The following TSTD2 variants were observed in gnomAD, a reference collection of about 807,000 sequenced individuals.
TSTD2 encodes the protein thiosulfate sulfurtransferase/rhodanese-like domain-containing protein 2.
Under a neutral mutation model 47.9 loss-of-function variants are expected in TSTD2, and 37 were observed. The observed-to-expected ratio is 0.77, with a 90% CI of 0.59 to 1.02. The LOEUF (loss-of-function observed/expected upper bound fraction) is 1.02. Among genes scored for constraint, TSTD2 ranks in the 50% least tolerant of loss-of-function variants. TSTD2 has a pLI of 0.00. For missense variants in TSTD2, 586 were observed against 616.0 expected, an observed-to-expected ratio of 0.95 and a Z score of 0.52; for synonymous variants, 201 against 215.9, an observed-to-expected ratio of 0.93 and a Z score of 0.61.
Position 97,601,704 on chromosome 9 carries a change from G to A in TSTD2, c.*765C>T. ...TGCCATAGATCATGTGTAAAGGAAT[G>A]GGTGTGGCTGTTCAATAAACTATAC... On this transcript the variant is annotated 3_prime_UTR_variant, in exon 10 of 10. Transcript: ENST00000341170. The A allele has an allele frequency of 2.4e-6, 1 of 422,830 alleles. No homozygotes were observed. The highest frequency in any genetic ancestry group is 3.2e-6 in the Non-Finnish European group (1 of 315,310). 26.2% of individuals were successfully genotyped at this position (422,830 alleles called of 1,614,324 possible). A position where few individuals can be genotyped will look rare whatever the true frequency, so the allele number is the denominator to read the frequency against.
intron 6 of TSTD2, among the ~76,000 whole-genome samples, chr9:97,608,048 T>C (rs1160890315): frequency 6.6e-6 from 1 of 151,878 alleles, no homozygotes; most frequent in Non-Finnish European, 1.5e-5. Context: ...CTGGGCGTGG[T>C]GGCGCATGCC....
chr9:97,624,730 G>A (rs1294895418), intron 3 of TSTD2, among the ~76,000 whole-genome samples: 2 of 151,098 alleles, frequency 1.3e-5, no homozygotes, highest in Non-Finnish European at 2.9e-5. Flanking sequence ...AATGCAGTTT[G>A]AAAGACTCCA....
intron 2 of TSTD2, among the ~76,000 whole-genome samples, chr9:97,626,967 T>A (rs1466305197): frequency 6.6e-6 from 1 of 152,236 alleles, no homozygotes. Flanking sequence ...TGCTGAATAC[T>A]TTTTCCTGCT....
chr9:97,605,533 A>G lies in TSTD2; in HGVS notation c.1063T>C (p.Cys355Arg). Residue 355 changes from cysteine (C) to arginine (R), a missense_variant, in exon 8 of 10, where the codon TGT becomes CGT. Coordinates refer to ENST00000341170, the MANE Select transcript of TSTD2 (RefSeq NM_139246.5). ...LFREKRVLMY[C>R]TGGIRCERGS... is the part of the protein sequence containing the mutation. ...CGCTCACAGCGGATGCCCCCGGTAC[A>G]GTACATCAGCACTCTCTTCTCTCTG... is the stretch of plus-strand genomic sequence containing the variant. The G allele has an allele frequency of 6.2e-7, 1 of 1,614,220 alleles. No homozygotes were observed. The highest frequency in any genetic ancestry group is 8.5e-7 in the Non-Finnish European group (1 of 1,180,030).
intron 5 of TSTD2, 59 bp downstream of exon 5, chr9:97,611,515 A>G (rs1056790370): frequency 6.6e-7 from 1 of 1,519,986 alleles, no homozygotes; most frequent in African/African-American, 1.4e-5. Context: ...CTCTTCAATA[A>G]CATGCACAGA....
rs755902483 is a variant in TSTD2 at position 97,602,391 on chromosome 9, A to G, written c.*78T>C. 9.9e-4 allele frequency: 1,442 copies of G among 1,454,474 alleles called. 2 individuals are homozygous for G. Among genetic ancestry groups the G allele is most frequent in the Non-Finnish European group, 1.2e-3 (1,310 of 1,094,480 alleles). The allele number at this position is 1,454,474 out of a possible 1,614,324, so 90.1% of individuals were successfully genotyped here. A position where few individuals can be genotyped will look rare whatever the true frequency, so the allele number is the denominator to read the frequency against. On this transcript the variant is annotated 3_prime_UTR_variant, in exon 10 of 10. Transcript: ENST00000341170. Reference sequence around the variant, plus strand: ...AAGTTCCCGATTTCTCTGTTTCTGCAGTCTTGCCATGCTTTCTCTGTATAG... The same window carrying G: ...AAGTTCCCGATTTCTCTGTTTCTGCGGTCTTGCCATGCTTTCTCTGTATAG...
At chr9:97,620,990 G>T (rs1826625569) in intron 3 of TSTD2, among the ~76,000 whole-genome samples, 1 of 152,140 alleles carries the variant, frequency 6.6e-6, no homozygotes, top group Non-Finnish European at 1.5e-5. Context: ...AGACAAAGGG[G>T]AAAATGTCTC....
chr9:97,621,739 T>A (rs1447883558), intron 3 of TSTD2, among the ~76,000 whole-genome samples: 2 of 152,222 alleles, frequency 1.3e-5, no homozygotes, highest in Non-Finnish European at 2.9e-5. Context: ...TTGAACCCTG[T>A]TTCCTGTTAA....
Position 97,627,555 on chromosome 9 carries a change from G to A in TSTD2, c.8C>T (p.Ser3Phe). 6.2e-7 allele frequency: 1 copy of A among 1,606,004 alleles called. No individual in the cohort carries two copies. The change falls in exon 2 of 10, where the codon TCT becomes TTT. Residue 3 changes from serine to phenylalanine, a missense_variant. Ser to Phe is a radical substitution (Grantham distance 155). Transcript: ENST00000341170. Reference protein sequence around the residue: MPSSTSPDQGDDL... With the variant: MPFSTSPDQGDDL... ...ATCTCCTTGGTCTGGTGAAGTGGAAGAAGGCATCTGGTTTGGTTGCAACAG... is the reference window on the plus strand; with the variant it reads ...ATCTCCTTGGTCTGGTGAAGTGGAAAAAGGCATCTGGTTTGGTTGCAACAG...
At chr9:97,604,487 T>C in intron 9 of TSTD2, 1 of 477,160 alleles carries the variant, frequency 2.1e-6, no homozygotes, top group Non-Finnish European at 3.6e-6. Flanking sequence ...ATCCCCATGT[T>C]AATGGGCTTG....
chr9:97,618,291 T>A (rs567120773), intron 3 of TSTD2, among the ~76,000 whole-genome samples: 10 of 152,326 alleles, frequency 6.6e-5, no homozygotes, highest in African/African-American at 2.4e-4. Flanking sequence ...ATGCAGGTTA[T>A]TATTATCCCC....
intron 6 of TSTD2, among the ~76,000 whole-genome samples, chr9:97,607,214 G>T (rs1826380564): frequency 6.6e-6 from 1 of 152,164 alleles, no homozygotes; most frequent in African/African-American, 2.4e-5. Flanking sequence ...TCAGTCTCCT[G>T]GGGCTCTTTG....
At position 97,602,575 on chromosome 9, in the gene TSTD2, G is replaced by A. The variant is rs1826281824; in HGVS notation, c.1445C>T (p.Thr482Ile). The change falls in exon 10 of 10, where the codon ACA becomes ATA. Residue 482 changes from threonine to isoleucine, a missense_variant. Coordinates refer to ENST00000341170, the MANE Select transcript of TSTD2 (RefSeq NM_139246.5). ...QDSFKEECEC[T>I]ARRPRIPREL... ...CCTAGGTATGCGTGGCCGTCGGGCTGTGCACTCGCATTCCTCTTTAAAGCT... is the reference window on the plus strand; with the variant it reads ...CCTAGGTATGCGTGGCCGTCGGGCTATGCACTCGCATTCCTCTTTAAAGCT... 6.2e-7 allele frequency: 1 copy of A among 1,614,072 alleles called. No individual in the cohort carries two copies. Among genetic ancestry groups the A allele is most frequent in the African/African-American group, 1.3e-5 (1 of 74,924 alleles).
chr9:97,625,697 G>T lies in TSTD2; in HGVS notation c.466C>A (p.Pro156Thr). Residue 156 changes from proline to threonine, a missense_variant, in exon 3 of 10, where the codon CCT becomes ACT. Coordinates refer to ENST00000341170, the MANE Select transcript of TSTD2 (RefSeq NM_139246.5). ...AWLPDISCFN[P>T]DELISGQGSE... ...AAATCTTACCTTATCAGCTCATCAGGGTTAAAGCAGCTTATATCAGGGAGC... is the reference window on the plus strand; with the variant it reads ...AAATCTTACCTTATCAGCTCATCAGTGTTAAAGCAGCTTATATCAGGGAGC... 9 of 1,612,904 alleles carry T rather than the reference G, an allele frequency of 5.6e-6. No homozygotes were observed. Among genetic ancestry groups the T allele is most frequent in the Non-Finnish European group, 7.6e-6 (9 of 1,179,366 alleles).
intron 1 of TSTD2, among the ~76,000 whole-genome samples, chr9:97,631,100 ACACTATCATT>A (rs1826801687): frequency 6.6e-6 from 1 of 152,144 alleles, no homozygotes; most frequent in Non-Finnish European, 1.5e-5. Flanking sequence ...TTATTTTCTC[ACACTATCATT>A]CACTTGTTCA....
intron 4 of TSTD2, among the ~76,000 whole-genome samples, chr9:97,612,429 TC>T (rs1337360808): frequency 1.3e-5 from 2 of 152,262 alleles, no homozygotes; most frequent in Non-Finnish European, 2.9e-5. Context: ...CACATTGTCT[TC>T]CACAACGGTT....
chr9:97,630,736 T>C (rs1053407426), intron 1 of TSTD2, among the ~76,000 whole-genome samples: 39 of 152,334 alleles, frequency 2.6e-4, no homozygotes, highest in African/African-American at 9.4e-4. Context: ...ATTACTGAAG[T>C]TGATGATGAG....
chr9:97,603,170 C>T (rs1826300262), intron 9 of TSTD2: 1 of 186,458 alleles, frequency 5.4e-6, no homozygotes, highest in Non-Finnish European at 1.2e-5. Flanking sequence ...CACCTAAATA[C>T]AGGCGATAAC....
chr9:97,602,477 G>A lies in TSTD2; in HGVS notation c.1543C>T (p.Leu515Phe). 5 of 1,607,398 alleles carry A rather than the reference G, an allele frequency of 3.1e-6. No homozygotes were observed. Among genetic ancestry groups the A allele is most frequent in the Non-Finnish European group, 4.3e-6 (5 of 1,176,080 alleles). The change falls in exon 10 of 10, where the codon CTT becomes TTT. Residue 515 changes from leucine to phenylalanine, a missense_variant. Physicochemically the swap from Leu to Phe is conservative, Grantham distance 22 (BLOSUM62 0). Transcript: ENST00000341170. ...AATGCCAAAGGTGCTGCTCACATAAGCACTGGCCCATCCTCATCAGCATCA... is the reference window on the plus strand; with the variant it reads ...AATGCCAAAGGTGCTGCTCACATAAACACTGGCCCATCCTCATCAGCATCA... ...GPDADEDGPV[L>F]M
Sources: gnomAD v4.1 joint callset for allele counts (sites outside exome capture counted in the v4.1 genomes callset) on GRCh38, gnomAD v4.1.1 for gene constraint, MANE v1.5 for transcripts, NCBI Gene and HGNC (gene_info 2026-07-23, HGNC 2026-07-21) for gene names.